The following TP53BP2 variants were observed in gnomAD, a reference collection of about 807,000 sequenced individuals.
The protein encoded by TP53BP2 is tumor protein p53 binding protein 2.
Under a neutral mutation model 126.2 loss-of-function variants are expected in TP53BP2, and 62 were observed. That is an observed-to-expected ratio of 0.49 (90% CI 0.40 to 0.61). TP53BP2 has a LOEUF of 0.61. Ranked by LOEUF, TP53BP2 falls within the 20% of genes least tolerant of loss-of-function variation. The pLI is 0.00. For missense variants in TP53BP2, 1,215 were observed against 1,402.8 expected (o/e 0.87, Z 2.14); for synonymous variants, 485 against 502.9 (o/e 0.96, Z 0.48).
chr1:223,791,156 G>C (rs1382465931), intron 15 of TP53BP2, among the ~76,000 whole-genome samples: 1 of 152,082 alleles, frequency 6.6e-6, no homozygotes, highest in African/African-American at 2.4e-5. Flanking sequence ...GCCAAGTACG[G>C]TGGCTCATAC....
intron 1 of TP53BP2, among the ~76,000 whole-genome samples, chr1:223,827,689 T>A (rs1663547041): frequency 6.6e-6 from 1 of 152,182 alleles, no homozygotes; most frequent in Non-Finnish European, 1.5e-5. Flanking sequence ...GGGAAAATGG[T>A]GTTGACAGGA....
chr1:223,819,991 C>T (rs1348459522), intron 2 of TP53BP2, among the ~76,000 whole-genome samples: 9 of 152,156 alleles, frequency 5.9e-5, no homozygotes, highest in Non-Finnish European at 7.3e-5. Context: ...CAAAGAGTGA[C>T]GGGCCTTCTG....
chr1:223,789,326 A>T, intron 15 of TP53BP2, 152 bp from the exon 16 acceptor site: 1 of 818,080 alleles, frequency 1.2e-6, no homozygotes, highest in Middle Eastern at 3.5e-4. Context: ...AGTTCAACAC[A>T]GATGATTGAA....
In TP53BP2 at chr1:223,802,712, T is replaced by C. The variant is rs550525589; in HGVS notation, c.996+19A>G. The stretch of plus-strand genomic sequence containing the variant: ...CTTTTTCCCTCCTCCCCAAAACCAT[T>C]ACAAAACGGCCCACTTACTGGTAGA... On this transcript the variant is annotated intron_variant, in intron 8 of 17. Transcript: ENST00000343537. 1.4e-4 allele frequency: 230 copies of C among 1,613,552 alleles called. No individual in the cohort carries two copies. Among genetic ancestry groups the C allele is most frequent in the Non-Finnish European group, 1.9e-4 (225 of 1,179,810 alleles).
rs781402071 is a variant in TP53BP2 at position 223,795,951 on chromosome 1, T to C, written c.2588A>G (p.His863Arg). 5.5e-5 allele frequency: 88 copies of C among 1,614,006 alleles called. 1 individual carries two copies. The East Asian group carries it at 2.0e-3, about 36-fold the overall frequency. Residue 863 changes from histidine (H) to arginine (R), a missense_variant, in exon 13 of 18, where the codon CAT (histidine) becomes CGT (arginine). By Grantham distance (29) the His-to-Arg change is conservative. Around this residue, in one of 4 missense-constraint regions of TP53BP2, gnomAD observed 204 missense variants for 225.7 expected, o/e 0.90. Coordinates refer to ENST00000343537, the MANE Select transcript of TP53BP2 (RefSeq NM_001031685.3). ...NPEEPNPEAP[H>R]VLDVYLEEYP... ...CTCCTCCAGGTACACATCAAGCACA[T>C]GTGGAGCCTCTGGATTTGGTTCTTC...
At chr1:223,800,162 C>T in intron 10 of TP53BP2, 115 bp from the exon 11 acceptor site, 1 of 1,105,170 alleles carries the variant, frequency 9.0e-7, no homozygotes, top group South Asian at 2.1e-5. Flanking sequence ...AAAGCACGTT[C>T]CTATTTTTTA....
intron 4 of TP53BP2, among the ~76,000 whole-genome samples, chr1:223,810,209 ATT>A (rs1324116961): frequency 6.6e-6 from 1 of 152,180 alleles, no homozygotes; most frequent in East Asian, 1.9e-4. Context: ...CTCAGCATTT[ATT>A]TTGTCTGAAT....
chr1:223,831,670 A>G (rs1400874177), intron 1 of TP53BP2, among the ~76,000 whole-genome samples: 1 of 150,954 alleles, frequency 6.6e-6, no homozygotes, highest in Non-Finnish European at 1.5e-5. Context: ...AGAACATGAA[A>G]ATATTTCATT....
At chr1:223,823,664 T>C (rs1663393163) in intron 1 of TP53BP2, among the ~76,000 whole-genome samples, 1 of 152,200 alleles carries the variant, frequency 6.6e-6, no homozygotes, top group Non-Finnish European at 1.5e-5. Context: ...ACAAAAATCA[T>C]AAAGCCTTGA....
Position 223,804,228 on chromosome 1 carries a change from CT to C in TP53BP2, c.594del (p.Val199Ter). 3 of 1,614,122 alleles carry C rather than the reference CT, an allele frequency of 1.9e-6. No individual in the cohort carries two copies. Among genetic ancestry groups the C allele is most frequent in the Non-Finnish European group, 2.5e-6 (3 of 1,179,998 alleles). ...IAENQEAKLK[K>X]VRALKGHVEQ... Reference sequence around the variant, plus strand: ...TCCACGTGGCCTTTAAGTGCTCTCACTTTTTTTAGCTTAGCTTCCTGATTCT... The same window carrying C: ...TCCACGTGGCCTTTAAGTGCTCTCACTTTTTTAGCTTAGCTTCCTGATTCT... On this transcript the variant is annotated frameshift_variant, in exon 6 of 18. Transcript: ENST00000343537. LOFTEE classifies it high-confidence loss of function.
intron 17 of TP53BP2, among the ~76,000 whole-genome samples, chr1:223,782,232 A>T (rs1661799965): frequency 6.6e-6 from 1 of 152,248 alleles, no homozygotes; most frequent in South Asian, 2.1e-4. Flanking sequence ...ATCATGTTAT[A>T]CACCATAAAT....
intron 2 of TP53BP2, 99 bp downstream of exon 2, chr1:223,821,121 T>C (rs1663289713): frequency 1.4e-6 from 2 of 1,477,856 alleles, no homozygotes; most frequent in Non-Finnish European, 1.9e-6. Context: ...CTCCAGTTTC[T>C]CCCCGGAGAA....
intron 7 of TP53BP2, 127 bp downstream of exon 7, chr1:223,803,144 T>C (rs1662586374): frequency 8.4e-7 from 1 of 1,191,670 alleles, no homozygotes; most frequent in South Asian, 1.5e-5. Flanking sequence ...GGAGTTTGGG[T>C]TCCCCCCACA....
chr1:223,835,859 A>C (rs1663904222), intron 1 of TP53BP2, among the ~76,000 whole-genome samples: 1 of 152,216 alleles, frequency 6.6e-6, no homozygotes, highest in Non-Finnish European at 1.5e-5. Flanking sequence ...CAATGTTGAG[A>C]AATGAGAACT....
intron 4 of TP53BP2, among the ~76,000 whole-genome samples, chr1:223,809,364 C>T (rs1008520428): frequency 1.3e-5 from 2 of 152,002 alleles, no homozygotes; most frequent in African/African-American, 2.4e-5. Context: ...GTCAGGAGTT[C>T]GAAACCAGCC....
At position 223,793,348 on chromosome 1, in the gene TP53BP2, C is replaced by T. The variant is rs753591765; in HGVS notation, c.2817G>A (p.Ser939=). Residue 939 remains serine, a synonymous_variant, in exon 14 of 18, where the codon TCG becomes TCA. Coordinates refer to ENST00000343537, the MANE Select transcript of TP53BP2 (RefSeq NM_001031685.3). Reference sequence around the variant, plus strand: ...CAAGGTCAAATTCTCCCTCCAAAGACGAATCTAGCAGTAAAGCAAGGGGGT... The same window carrying T: ...CAAGGTCAAATTCTCCCTCCAAAGATGAATCTAGCAGTAAAGCAAGGGGGT... ...KFNPLALLLD[S]SLEGEFDLVQ... The T allele has an allele frequency of 1.2e-5, 19 of 1,611,204 alleles. 1 individual carries two copies. In the South Asian group the frequency reaches 1.3e-4, roughly 11 times the overall value.
chr1:223,817,498 C>T (rs1370897999), intron 2 of TP53BP2, among the ~76,000 whole-genome samples: 1 of 152,060 alleles, frequency 6.6e-6, no homozygotes, highest in Admixed American at 6.5e-5. Flanking sequence ...TAGAGAAATG[C>T]TTGCATAGGA....
chr1:223,828,380 T>C (rs1006278702), intron 1 of TP53BP2, among the ~76,000 whole-genome samples: 3 of 152,234 alleles, frequency 2.0e-5, no homozygotes, highest in Non-Finnish European at 4.4e-5. Flanking sequence ...TAGGAACTTA[T>C]CTACGTTTAA....
At chr1:223,834,630 T>G (rs568899908) in intron 1 of TP53BP2, among the ~76,000 whole-genome samples, 4 of 152,322 alleles carry the variant, frequency 2.6e-5, no homozygotes, top group African/African-American at 7.2e-5. Flanking sequence ...CTAAAATTTA[T>G]TTTAAATTAT....
Sources: allele counts gnomAD v4.1 joint callset (sites outside exome capture counted in the v4.1 genomes callset), GRCh38; gene constraint gnomAD v4.1.1; regional missense constraint gnomAD v4.1.1; transcripts MANE v1.5; gene names NCBI Gene and HGNC (gene_info 2026-07-23, HGNC 2026-07-21).